NRXN1: variants seen among roughly 807,000 people sequenced by gnomAD.
NRXN1 encodes the protein neurexin 1, also known as neurexin-1.
Under a neutral mutation model 150.9 loss-of-function variants are expected in NRXN1, and 39 were observed. The ratio of observed to expected loss-of-function variants is 0.26; its 90% CI spans 0.20 to 0.34. The LOEUF (loss-of-function observed/expected upper bound fraction) is 0.34, where lower values mean the gene tolerates loss of function less well. Among genes scored for constraint, NRXN1 ranks in the 10% least tolerant of loss-of-function variants. NRXN1 has a pLI of 1.00. For missense variants in NRXN1, 1,815 were observed against 1,949.9 expected (o/e 0.93, Z 1.30); for synonymous variants, 924 against 757.0 (o/e 1.22, Z -3.62).
In NRXN1 at chr2:50,347,903, CT is replaced by C. The variant is rs2078159818; in HGVS notation, c.3365-110934del. ...GGTCTAGCTTCCCACGAAAATCGCCCTGCTTTGCCTCTCCCTTGCATTCTCC... is the reference window on the plus strand; with the variant it reads ...GGTCTAGCTTCCCACGAAAATCGCCCGCTTTGCCTCTCCCTTGCATTCTCC... On this transcript the variant is annotated intron_variant, in intron 17 of 22. Transcript: ENST00000401669. The surrounding 1 kb of genome is among the most constrained non-coding windows in gnomAD (Gnocchi z 4.9). 1 of 928,388 alleles carries C rather than the reference CT, an allele frequency of 1.1e-6. No individual in the cohort carries two copies. The highest frequency in any genetic ancestry group is 1.3e-6 in the Non-Finnish European group (1 of 778,112). 57.5% of individuals were successfully genotyped at this position (928,388 alleles called of 1,614,324 possible).
At chr2:50,966,352 A>C (rs951889063) in intron 2 of NRXN1, among the ~76,000 whole-genome samples, 2 of 151,504 alleles carry the variant, frequency 1.3e-5, no homozygotes, top group African/African-American at 4.8e-5. Context: ...TAAAAAAAAA[A>C]AAAACTCTAA....
chr2:50,962,780 A>AG (rs1693419100), intron 2 of NRXN1, among the ~76,000 whole-genome samples: 1 of 151,672 alleles, frequency 6.6e-6, no homozygotes, highest in African/African-American at 2.4e-5. Context: ...TCTGTGTTCA[A>AG]TTAAATTTTC....
chr2:50,100,329 G>T (rs571338995), intron 18 of NRXN1, among the ~76,000 whole-genome samples: 2 of 152,128 alleles, frequency 1.3e-5, no homozygotes, highest in African/African-American at 4.8e-5. Context: ...TGAGAAAAAG[G>T]ATGGACAGAT....
intron 5 of NRXN1, among the ~76,000 whole-genome samples, chr2:50,702,878 C>T (rs989213469): frequency 4.0e-5 from 6 of 151,688 alleles, no homozygotes; most frequent in Admixed American, 3.9e-4. Context: ...TTTTTTTTCC[C>T]CCAGGATTCT....
At chr2:50,951,942 A>T (rs952574826) in intron 2 of NRXN1, among the ~76,000 whole-genome samples, 2 of 112,822 alleles carry the variant, frequency 1.8e-5, no homozygotes, top group African/African-American at 3.5e-5. Context: ...TACATGAATA[A>T]ATATATATAT....
intron 19 of NRXN1, among the ~76,000 whole-genome samples, chr2:50,066,634 ATATT>A (rs1695403830): frequency 6.6e-6 from 1 of 152,174 alleles, no homozygotes; most frequent in Non-Finnish European, 1.5e-5. Context: ...CCAATAAAAC[ATATT>A]TAGTCTCAAA....
At chr2:50,922,465 C>T (rs1421682263) in intron 4 of NRXN1, 193 bp downstream of exon 4, 3 of 671,594 alleles carry the variant, frequency 4.5e-6, no homozygotes, top group Non-Finnish European at 8.1e-6. Flanking sequence ...ATAAAAGCCA[C>T]AGGAACAAAC....
intron 5 of NRXN1, among the ~76,000 whole-genome samples, chr2:50,673,009 G>A (rs1028580791): frequency 6.6e-6 from 1 of 151,874 alleles, no homozygotes. Flanking sequence ...TTACTTAACT[G>A]GTATTTATTT....
At chr2:51,031,570 C>T (rs1014880565) in intron 1 of NRXN1, among the ~76,000 whole-genome samples, 1 of 152,106 alleles carries the variant, frequency 6.6e-6, no homozygotes, top group African/African-American at 2.4e-5. Flanking sequence ...TCTGGCTTTC[C>T]CGCCCAGTCT....
chr2:50,134,168 G>C (rs1272783282), intron 18 of NRXN1, among the ~76,000 whole-genome samples: 1 of 150,074 alleles, frequency 6.7e-6, no homozygotes, highest in Non-Finnish European at 1.5e-5. Context: ...TATAACTATA[G>C]ACATGCACTG....
chr2:50,620,064 T>G lies in NRXN1; in HGVS notation c.1278A>C (p.Pro426=), dbSNP rs1378006108. The change falls in exon 8 of 23, where the codon CCA becomes CCC. Residue 426 remains proline (P), a synonymous_variant. Transcript: ENST00000401669. ...VGGSPSTADL[P]GSPVSNNFMG... is the part of the protein sequence containing the mutation. ...TAAAGTTGTTACTGACTGGTGACCC[T>G]GGAAGGTCGGCTGTGCTGGGACTGC... The G allele has an allele frequency of 6.2e-7, 1 of 1,611,586 alleles. No homozygotes were observed. Among genetic ancestry groups the G allele is most frequent in the Admixed American group, 1.7e-5 (1 of 59,762 alleles).
At chr2:50,172,654 G>A (rs1027217983) in intron 18 of NRXN1, among the ~76,000 whole-genome samples, 1 of 152,154 alleles carries the variant, frequency 6.6e-6, no homozygotes, top group Non-Finnish European at 1.5e-5. Flanking sequence ...TCATTTTTTA[G>A]CCTTTGATTC....
At chr2:50,604,820 C>T (rs1676839733) in intron 8 of NRXN1, among the ~76,000 whole-genome samples, 1 of 152,206 alleles carries the variant, frequency 6.6e-6, no homozygotes. Context: ...AGAATACCTA[C>T]TATGCCCCAA....
intron 17 of NRXN1, among the ~76,000 whole-genome samples, chr2:50,404,365 T>G (rs2082605408): frequency 6.6e-6 from 1 of 152,120 alleles, no homozygotes; most frequent in Admixed American, 6.6e-5. Context: ...ATTCAACCAG[T>G]GCACACTGAG....
intron 5 of NRXN1, among the ~76,000 whole-genome samples, chr2:50,773,541 C>T (rs1703255442): frequency 6.6e-6 from 1 of 152,122 alleles, no homozygotes. Flanking sequence ...AGGAGGGAAT[C>T]AATAAGAGCT....
At chr2:50,675,313 T>C (rs1220425237) in intron 5 of NRXN1, among the ~76,000 whole-genome samples, 1 of 152,164 alleles carries the variant, frequency 6.6e-6, no homozygotes, top group Non-Finnish European at 1.5e-5. Context: ...TTTAAATTAA[T>C]TGGCGATACT....
intron 5 of NRXN1, among the ~76,000 whole-genome samples, chr2:50,651,711 CT>C (rs752684365): frequency 4.6e-5 from 7 of 151,948 alleles, no homozygotes; most frequent in Admixed American, 1.3e-4. Context: ...CTCTTCCATT[CT>C]TTTTCCTCTC....
At chr2:50,678,900 T>G (rs1574071227) in intron 5 of NRXN1, among the ~76,000 whole-genome samples, 2 of 152,016 alleles carry the variant, frequency 1.3e-5, no homozygotes, top group African/African-American at 4.8e-5. Flanking sequence ...GAGATAGAGC[T>G]TAGAATGACT....
chr2:50,128,878 A>C (rs10865244), intron 18 of NRXN1, among the ~76,000 whole-genome samples: 3 of 151,352 alleles, frequency 2.0e-5, no homozygotes, highest in Non-Finnish European at 4.4e-5. Context: ...AGCTACTCAG[A>C]GGGCCAAGGC....
Sources: gnomAD v4.1 joint callset for allele counts (sites outside exome capture counted in the v4.1 genomes callset) on GRCh38, gnomAD v4.1.1 for gene constraint, Gnocchi (gnomAD v3.1) non-coding constraint, MANE v1.5 for transcripts, NCBI Gene and HGNC (gene_info 2026-07-23, HGNC 2026-07-21) for gene names.